Variants in UNC5D observed in about 807,000 individuals in gnomAD.
UNC5D encodes the protein unc-5 netrin receptor D, also known as netrin receptor UNC5D.
In UNC5D, 39 loss-of-function variants were observed where a neutral mutation model predicts 105.4. The observed-to-expected ratio is 0.37, with a 90% CI of 0.29 to 0.48. UNC5D has a LOEUF of 0.48. Among genes scored for constraint, UNC5D ranks in the 20% least tolerant of loss-of-function variants. The pLI is 0.98. For synonymous variants in UNC5D, 452 were observed against 450.4 expected (o/e 1.00, Z -0.04); for missense variants, 991 against 1,202.4 (o/e 0.82, Z 2.60).
At chr8:35,500,202 T>C (rs1346840043) in intron 1 of UNC5D, among the ~76,000 whole-genome samples, 1 of 152,190 alleles carries the variant, frequency 6.6e-6, no homozygotes, top group Non-Finnish European at 1.5e-5. Context: ...CTTATAGTTC[T>C]GGAGACTGGG....
At chr8:35,678,697 G>A (rs1825444850) in intron 4 of UNC5D, among the ~76,000 whole-genome samples, 1 of 151,954 alleles carries the variant, frequency 6.6e-6, no homozygotes, top group African/African-American at 2.4e-5. Context: ...GTTGAAACCA[G>A]AACATTTAAT....
rs1826018862 is a variant in UNC5D at position 35,686,534 on chromosome 8, T to G, written c.920-11T>G. On this transcript the variant is annotated splice_polypyrimidine_tract_variant and intron_variant, in intron 6 of 16. Coordinates refer to ENST00000404895, the MANE Select transcript of UNC5D (RefSeq NM_080872.4). Reference sequence around the variant, plus strand: ...CATTCTAACAATGGTTTCTTTTGTTTCCCTTTGAAGTGGATGGGAGCTGGG... The same window carrying G: ...CATTCTAACAATGGTTTCTTTTGTTGCCCTTTGAAGTGGATGGGAGCTGGG... 1 of 1,548,590 alleles carries G rather than the reference T, an allele frequency of 6.5e-7. No individual in the cohort carries two copies. The highest frequency in any genetic ancestry group is 1.4e-5 in the African/African-American group (1 of 70,964).
chr8:35,405,681 C>T (rs1280536517), intron 1 of UNC5D, among the ~76,000 whole-genome samples: 1 of 152,088 alleles, frequency 6.6e-6, no homozygotes, highest in Non-Finnish European at 1.5e-5. Context: ...TTGACATTCT[C>T]TATTCACAAC....
intron 1 of UNC5D, among the ~76,000 whole-genome samples, chr8:35,512,160 C>A (rs1812753434): frequency 6.6e-6 from 1 of 152,026 alleles, no homozygotes; most frequent in African/African-American, 2.4e-5. Flanking sequence ...CAGTAAAACA[C>A]ATTAAAAGTA....
chr8:35,457,083 A>C (rs952526170), intron 1 of UNC5D, among the ~76,000 whole-genome samples: 2 of 152,206 alleles, frequency 1.3e-5, no homozygotes, highest in African/African-American at 4.8e-5. Flanking sequence ...TCTCTGTTAA[A>C]GGGATAATAA....
intron 1 of UNC5D, among the ~76,000 whole-genome samples, chr8:35,253,836 G>A (rs912486753): frequency 6.6e-6 from 1 of 152,094 alleles, no homozygotes; most frequent in African/African-American, 2.4e-5. Context: ...AGTATATAGT[G>A]AGGAGCTTCT....
chr8:35,775,653 G>A (rs1300078955), intron 16 of UNC5D, among the ~76,000 whole-genome samples: 1 of 150,098 alleles, frequency 6.7e-6, no homozygotes, highest in Non-Finnish European at 1.5e-5. Context: ...TGTTTGGCTT[G>A]CTCTGTCATT....
intron 9 of UNC5D, among the ~76,000 whole-genome samples, chr8:35,724,890 G>A (rs181284862): frequency 5.1e-4 from 78 of 152,276 alleles, no homozygotes; most frequent in Non-Finnish European, 4.4e-4. Context: ...GCTAGAAAGC[G>A]CAGCTCCCTG....
chr8:35,753,558 G>C (rs549459795), intron 13 of UNC5D, among the ~76,000 whole-genome samples: 14 of 152,226 alleles, frequency 9.2e-5, no homozygotes, highest in African/African-American at 3.1e-4. Context: ...CAGCAGAGAG[G>C]TATTTCTTAA....
chr8:35,707,276 A>G (rs1460264830), intron 8 of UNC5D, among the ~76,000 whole-genome samples: 2 of 152,208 alleles, frequency 1.3e-5, no homozygotes, highest in Non-Finnish European at 2.9e-5. Context: ...GGCTGGAGAT[A>G]CAAAGATATC....
At chr8:35,456,124 T>C (rs1450334980) in intron 1 of UNC5D, among the ~76,000 whole-genome samples, 1 of 152,188 alleles carries the variant, frequency 6.6e-6, no homozygotes, top group Non-Finnish European at 1.5e-5. Context: ...TTAAAAGAGG[T>C]AAATGCATTT....
rs7824189 is a variant in UNC5D at position 35,567,164 on chromosome 8, C to A, written c.323-934C>A. Among the ~76,000 whole-genome samples, 1,278 of 152,106 alleles carry A rather than the reference C, an allele frequency of 8.4e-3. 15 individuals are homozygous for A. The highest frequency in any genetic ancestry group is 0.029 in the African/African-American group (1,185 of 41,486). ...CCCTTAGCCACTCTTTCTATAAAAA[C>A]CCCCCTTTCTTCACCTCCTCATACC... is the stretch of plus-strand genomic sequence containing the variant. On this transcript the variant is annotated intron_variant, in intron 2 of 16. Coordinates refer to ENST00000404895, the MANE Select transcript of UNC5D (RefSeq NM_080872.4).
At chr8:35,406,490 T>C (rs557637677) in intron 1 of UNC5D, among the ~76,000 whole-genome samples, 12 of 152,328 alleles carry the variant, frequency 7.9e-5, no homozygotes, top group Admixed American at 6.5e-4. Flanking sequence ...GGTACTTTAA[T>C]CTCAGTCATA....
At chr8:35,402,796 A>T (rs751933409) in intron 1 of UNC5D, among the ~76,000 whole-genome samples, 1 of 152,156 alleles carries the variant, frequency 6.6e-6, no homozygotes, top group South Asian at 2.1e-4. Flanking sequence ...CCCCAAAAGA[A>T]TAGTGAGAGG....
chr8:35,266,787 A>T (rs1171613040), intron 1 of UNC5D, among the ~76,000 whole-genome samples: 3 of 136,220 alleles, frequency 2.2e-5, no homozygotes, highest in African/African-American at 8.4e-5. Context: ...GGCTGGGCTC[A>T]GCTGGGATGG....
chr8:35,588,185 A>G (rs1428350383), intron 3 of UNC5D, among the ~76,000 whole-genome samples: 1 of 151,696 alleles, frequency 6.6e-6, no homozygotes, highest in East Asian at 2.0e-4. Flanking sequence ...GAGGGTGGAA[A>G]TCTATTTATG....
At chr8:35,585,661 C>T (rs954860391) in intron 3 of UNC5D, among the ~76,000 whole-genome samples, 3 of 151,648 alleles carry the variant, frequency 2.0e-5, no homozygotes, top group African/African-American at 4.8e-5. Context: ...TAAAAAAGAA[C>T]ATTTTAGAAT....
At chr8:35,243,989 A>G (rs1054613507) in intron 1 of UNC5D, among the ~76,000 whole-genome samples, 1 of 152,226 alleles carries the variant, frequency 6.6e-6, no homozygotes, top group African/African-American at 2.4e-5. Context: ...TTTGTTTTAG[A>G]CAGATACTAA....
Position 35,235,704 on chromosome 8 carries a change from G to A in UNC5D, c.-81G>A. The A allele has an allele frequency of 9.2e-7, 1 of 1,086,950 alleles. No homozygotes were observed. Among genetic ancestry groups the A allele is most frequent in the Non-Finnish European group, 1.2e-6 (1 of 856,702 alleles). 67.3% of individuals were successfully genotyped at this position (1,086,950 alleles called of 1,614,324 possible). ...CTCTGAAGACTCCCGAGACCCATTC[G>A]ACTCGGGACCCTCATCGCCGACCCT... On this transcript the variant is annotated 5_prime_UTR_variant, in exon 1 of 17. Coordinates refer to ENST00000404895, the MANE Select transcript of UNC5D (RefSeq NM_080872.4).
Sources: allele counts gnomAD v4.1 joint callset (sites outside exome capture counted in the v4.1 genomes callset), GRCh38; gene constraint gnomAD v4.1.1; transcripts MANE v1.5; gene names NCBI Gene and HGNC (gene_info 2026-07-23, HGNC 2026-07-21).